The following OCA2 variants were observed in gnomAD, a reference collection of about 807,000 sequenced individuals.
OCA2 encodes OCA2 melanosomal transmembrane protein.
OCA2 carries 77 observed loss-of-function variants against 100.2 expected under a neutral mutation model. The observed-to-expected ratio is 0.77, with a 90% CI of 0.64 to 0.93. The LOEUF is 0.93. Among genes scored for constraint, OCA2 ranks in the 40% least tolerant of loss-of-function variants. The pLI, the probability that OCA2 is intolerant of heterozygous loss-of-function variation, is 0.00. For missense variants in OCA2, 1,062 were observed against 1,089.1 expected (o/e 0.98, Z 0.35); for synonymous variants, 432 against 439.2 (o/e 0.98, Z 0.21).
chr15:27,738,000 A>G, the OCA2 span, among the ~76,000 whole-genome samples: 17 of 152,320 alleles, frequency 1.1e-4, no homozygotes, highest in Admixed American at 1.0e-3. Context: ...GCCTAATAAC[A>G]AAATGCTGAC....
intron 2 of OCA2, among the ~76,000 whole-genome samples, chr15:28,048,880 C>A (rs1319409813): frequency 2.6e-5 from 4 of 152,040 alleles, no homozygotes; most frequent in African/African-American, 9.7e-5. Flanking sequence ...GTGGCATATA[C>A]CTGTAGTCTC....
intron 19 of OCA2, among the ~76,000 whole-genome samples, chr15:27,922,680 GGTGTGTGTGT>G (rs60426286): frequency 0.043 from 6,392 of 147,178 alleles, 472 homozygotes; most frequent in African/African-American, 0.15. Context: ...TTTTGTTTGG[GGTGTGTGTGT>G]GTGTGTGTGT....
intron 11 of OCA2, among the ~76,000 whole-genome samples, chr15:27,987,566 A>T (rs2041400677): frequency 1.3e-5 from 2 of 151,272 alleles, no homozygotes; most frequent in African/African-American, 4.8e-5. Context: ...AAAAAAAAAA[A>T]AAAATACAAA....
At chr15:28,014,951 T>G (rs542222844) in intron 8 of OCA2, 22 bp from the exon 9 acceptor site, 124 of 1,613,548 alleles carry the variant, frequency 7.7e-5, no homozygotes, top group Non-Finnish European at 1.0e-4. Flanking sequence ...AACAACGACC[T>G]TACTGTTCAC....
chr15:27,895,436 G>A (rs1233532032), intron 19 of OCA2, among the ~76,000 whole-genome samples: 1 of 152,236 alleles, frequency 6.6e-6, no homozygotes, highest in South Asian at 2.1e-4. Context: ...CAGACTTGTT[G>A]AATGGCTTTG....
chr15:27,908,058 A>G (rs2140236585), intron 19 of OCA2, among the ~76,000 whole-genome samples: 1 of 151,756 alleles, frequency 6.6e-6, no homozygotes, highest in African/African-American at 2.4e-5. Flanking sequence ...ACTCATTAAG[A>G]AAAAAAAAGA....
At chr15:27,820,184 A>G (rs546782922) in intron 23 of OCA2, among the ~76,000 whole-genome samples, 1 of 152,368 alleles carries the variant, frequency 6.6e-6, no homozygotes, top group South Asian at 2.1e-4. Flanking sequence ...AAACACATGT[A>G]TGTACAAGAA....
intron 21 of OCA2, among the ~76,000 whole-genome samples, chr15:27,852,252 G>A (rs980259647): frequency 1.3e-5 from 2 of 152,126 alleles, no homozygotes; most frequent in Admixed American, 1.3e-4. Context: ...TGTAAGGAAG[G>A]GATCCAGTTT....
intron 19 of OCA2, among the ~76,000 whole-genome samples, chr15:27,906,531 T>A (rs2038184407): frequency 6.6e-6 from 1 of 151,778 alleles, no homozygotes; most frequent in African/African-American, 2.4e-5. Flanking sequence ...TTTATTGGAG[T>A]CCTTAAGGGA....
chr15:27,830,438 A>C (rs1451188750), intron 23 of OCA2, among the ~76,000 whole-genome samples: 1 of 152,240 alleles, frequency 6.6e-6, no homozygotes, highest in African/African-American at 2.4e-5. Flanking sequence ...AAATAAATTA[A>C]ATACTTAAAA....
At position 28,019,814 on chromosome 15, in the gene OCA2, C is replaced by T. The variant is rs2042533692; in HGVS notation, c.647-1257G>A. 2.0e-5 allele frequency among the ~76,000 whole-genome samples: 3 copies of T among 152,304 alleles called. No individual in the cohort carries two copies. In the South Asian group the frequency reaches 6.2e-4, roughly 32 times the overall value. ...TCTCAGGGAATCACCTTGTGGGGGG[C>T]AGGGTCCAGCTGGCTTCCCCTCCTC... is the stretch of plus-strand genomic sequence containing the variant. On this transcript the variant is annotated intron_variant, in intron 6 of 23. Coordinates refer to ENST00000354638, the MANE Select transcript of OCA2 (RefSeq NM_000275.3).
At chr15:27,812,315 C>A (rs1381755717) in intron 23 of OCA2, among the ~76,000 whole-genome samples, 1 of 152,118 alleles carries the variant, frequency 6.6e-6, no homozygotes, top group Non-Finnish European at 1.5e-5. Context: ...AAAGAAAAAT[C>A]TTTGAGAGAA....
At chr15:27,835,687 T>G (rs1384430799) in intron 23 of OCA2, among the ~76,000 whole-genome samples, 1 of 152,234 alleles carries the variant, frequency 6.6e-6, no homozygotes, top group Non-Finnish European at 1.5e-5. Context: ...GCAGGCCCTG[T>G]TCTCAGGCTC....
chr15:27,984,974 G>C, intron 13 of OCA2, 90 bp downstream of exon 13: 1 of 1,517,916 alleles, frequency 6.6e-7, no homozygotes, highest in Non-Finnish European at 9.1e-7. Flanking sequence ...TCATGCACCT[G>C]AGAATGGAAC....
intron 2 of OCA2, among the ~76,000 whole-genome samples, chr15:28,056,124 C>T (rs182520821): frequency 1.3e-5 from 2 of 152,100 alleles, no homozygotes; most frequent in East Asian, 1.9e-4. Context: ...GTGCCTGCAA[C>T]GCTGACTGGG....
chr15:28,005,584 A>C (rs2042068086), intron 9 of OCA2, among the ~76,000 whole-genome samples: 1 of 151,980 alleles, frequency 6.6e-6, no homozygotes, highest in South Asian at 2.1e-4. Flanking sequence ...GAAGCCATCA[A>C]CGGTGAATCA....
At chr15:27,766,724 C>T (rs1302946448) in intron 23 of OCA2, among the ~76,000 whole-genome samples, 1 of 152,218 alleles carries the variant, frequency 6.6e-6, no homozygotes, top group African/African-American at 2.4e-5. Flanking sequence ...TTCCCTGAGG[C>T]ACAGTCTCCT....
At chr15:27,994,967 G>A (rs1006456874) in intron 9 of OCA2, among the ~76,000 whole-genome samples, 1 of 152,152 alleles carries the variant, frequency 6.6e-6, no homozygotes, top group Admixed American at 6.5e-5. Context: ...GATAGCTAAA[G>A]TTATATCAGA....
chr15:27,883,551 C>T (rs377505513), intron 19 of OCA2, among the ~76,000 whole-genome samples: 1 of 152,182 alleles, frequency 6.6e-6, no homozygotes, highest in Non-Finnish European at 1.5e-5. Flanking sequence ...TGGGACCTCA[C>T]GCCCCCTGCG....
Sources: allele counts gnomAD v4.1 joint callset (sites outside exome capture counted in the v4.1 genomes callset), GRCh38; gene constraint gnomAD v4.1.1; transcripts MANE v1.5; gene names NCBI Gene and HGNC (gene_info 2026-07-23, HGNC 2026-07-21).